CSMD2: variants seen among roughly 807,000 people sequenced by gnomAD.
CSMD2 encodes CUB and sushi domain-containing protein 2.
In CSMD2, 130 loss-of-function variants were observed where a neutral mutation model predicts 398.5. The observed-to-expected ratio is 0.33, with a 90% CI of 0.28 to 0.38. The LOEUF (loss-of-function observed/expected upper bound fraction) is 0.38, where lower values mean the gene tolerates loss of function less well. Among genes scored for constraint, CSMD2 ranks in the 10% least tolerant of loss-of-function variants. CSMD2 has a pLI of 1.00. For synonymous variants in CSMD2, 1,828 were observed against 1,908.5 expected (o/e 0.96, Z 1.10); for missense variants, 3,829 against 4,764.9 (o/e 0.80, Z 5.78).
chr1:33,928,836 T>C (rs956744278), intron 4 of CSMD2, among the ~76,000 whole-genome samples: 2 of 152,202 alleles, frequency 1.3e-5, no homozygotes, highest in African/African-American at 4.8e-5. Context: ...GCCTTCTCCA[T>C]GTTGTTAAAT....
chr1:33,595,113 T>C (rs555994956), intron 44 of CSMD2, among the ~76,000 whole-genome samples: 1 of 152,368 alleles, frequency 6.6e-6, no homozygotes, highest in South Asian at 2.1e-4. Flanking sequence ...GTTTTTCCGA[T>C]AAATTCCTTG....
intron 52 of CSMD2, among the ~76,000 whole-genome samples, chr1:33,568,992 G>A (rs5007952): frequency 0.21 from 32,433 of 152,130 alleles, 3,572 homozygotes; most frequent in South Asian, 0.26. Flanking sequence ...TATATGTTGT[G>A]TGTAAAATTT....
intron 5 of CSMD2, among the ~76,000 whole-genome samples, chr1:33,848,810 G>GT (rs35897729): frequency 0.75 from 107,650 of 142,646 alleles, 40,696 homozygotes; most frequent in African/African-American, 0.8. Flanking sequence ...CGTATTGTGG[G>GT]TTTTTTTTTT....
rs1641992508 is a variant in CSMD2 at position 33,624,709 on chromosome 1, C to T, written c.5501-66G>A. On this transcript the variant is annotated intron_variant, in intron 34 of 70. Coordinates refer to ENST00000373381, the MANE Select transcript of CSMD2 (RefSeq NM_001281956.2). This position sits in a 1 kb window ranked among gnomAD's most constrained non-coding sequence, Gnocchi z 4.7. ...CCGTGGGAGCCTTCCCAAGCTGACT[C>T]CTCCCTCATGGCCCCCAGCCTCTGT... 6.4e-7 allele frequency: 1 copy of T among 1,568,498 alleles called. No individual in the cohort carries two copies. The highest frequency in any genetic ancestry group is 8.7e-7 in the Non-Finnish European group (1 of 1,152,240).
intron 5 of CSMD2, among the ~76,000 whole-genome samples, chr1:33,897,644 C>T (rs1642477821): frequency 6.6e-6 from 1 of 152,300 alleles, no homozygotes; most frequent in East Asian, 1.9e-4. Context: ...GACAACAGAG[C>T]CAGGAGTCTC....
intron 5 of CSMD2, among the ~76,000 whole-genome samples, chr1:33,867,939 C>A (rs1433534519): frequency 6.6e-6 from 1 of 152,090 alleles, no homozygotes; most frequent in Non-Finnish European, 1.5e-5. Flanking sequence ...ATGTGGGTGG[C>A]CAAGTCAGAG....
Position 33,754,798 on chromosome 1 carries a change from GATC to G in CSMD2, c.1847-11195_1847-11193del, listed in dbSNP as rs570038919. 2.7e-3 allele frequency among the ~76,000 whole-genome samples: 413 copies of G among 152,244 alleles called. 1 individual carries two copies. Among genetic ancestry groups the G allele is most frequent in the South Asian group, 5.6e-3 (27 of 4,818 alleles). On this transcript the variant is annotated intron_variant, in intron 13 of 70. Transcript: ENST00000373381. ...TTGTTTTTTGATGGGAGAAAGGATT[GATC>G]ATCTCTTATAAAAGGTGGGAAGAAT...
At chr1:34,095,448 T>C (rs1376460500) in intron 1 of CSMD2, among the ~76,000 whole-genome samples, 2 of 150,322 alleles carry the variant, frequency 1.3e-5, no homozygotes, top group Non-Finnish European at 3.0e-5. Flanking sequence ...AAAAAACCCT[T>C]CAAAAAATTA....
intron 3 of CSMD2, among the ~76,000 whole-genome samples, chr1:33,942,683 G>C (rs1644714678): frequency 6.6e-6 from 1 of 152,218 alleles, no homozygotes; most frequent in Non-Finnish European, 1.5e-5. Flanking sequence ...CAGAGCCTCG[G>C]CTGCTCCAGG....
intron 3 of CSMD2, among the ~76,000 whole-genome samples, chr1:33,963,359 C>T (rs571454533): frequency 6.6e-6 from 1 of 152,372 alleles, no homozygotes; most frequent in South Asian, 2.1e-4. Context: ...TCAGCATGGG[C>T]TCTCTTACAG....
Position 33,518,158 on chromosome 1 carries a change from A to T in CSMD2, c.*53+1307T>A, listed in dbSNP as rs1488111806. ...TCTCCCCAGAGTCCTTCAGCACAGG[A>T]CCTGAGAGGGGGCACCTGCCTATCC... On this transcript the variant is annotated intron_variant, in intron 70 of 70. Transcript: ENST00000373381. This position sits in a 1 kb window ranked among gnomAD's most constrained non-coding sequence, Gnocchi z 4.3. Among the ~76,000 whole-genome samples the T allele has an allele frequency of 3.3e-5, 5 of 152,330 alleles. No homozygotes were observed. Among genetic ancestry groups the T allele is most frequent in the African/African-American group, 1.2e-4 (5 of 41,586 alleles).
intron 1 of CSMD2, among the ~76,000 whole-genome samples, chr1:34,111,363 C>T (rs1661061145): frequency 6.6e-6 from 1 of 152,184 alleles, no homozygotes. Flanking sequence ...GCCACTTGCC[C>T]ATGACTTCCA....
chr1:33,572,365 T>G, intron 50 of CSMD2, 141 bp downstream of exon 50: 1 of 797,884 alleles, frequency 1.3e-6, no homozygotes, highest in Non-Finnish European at 1.9e-6. Flanking sequence ...CCTCCTCTTC[T>G]GAAATCCTCC....
intron 1 of CSMD2, among the ~76,000 whole-genome samples, chr1:34,144,196 G>A (rs1639562177): frequency 6.6e-6 from 1 of 152,256 alleles, no homozygotes; most frequent in East Asian, 1.9e-4. Flanking sequence ...GGGTGGGACA[G>A]GTCCTGCCTG....
chr1:33,554,350 C>T (rs552616385), intron 55 of CSMD2, among the ~76,000 whole-genome samples: 5 of 152,106 alleles, frequency 3.3e-5, no homozygotes, highest in East Asian at 1.9e-4. Context: ...CACACCACCA[C>T]GCCTGGCTAA....
At chr1:33,725,851 A>C (rs1646512478) in intron 16 of CSMD2, among the ~76,000 whole-genome samples, 1 of 151,982 alleles carries the variant, frequency 6.6e-6, no homozygotes, top group South Asian at 2.1e-4. Flanking sequence ...GGGTCAGCAC[A>C]CTAAAGCCTC....
At chr1:33,870,843 T>A (rs953977158) in intron 5 of CSMD2, 1 of 152,164 alleles carries the variant, frequency 6.6e-6, no homozygotes, top group Non-Finnish European at 1.5e-5. Context: ...CTGTGACCGC[T>A]CTCTCTGCCT....
chr1:33,881,813 CTACA>C (rs1283656596), intron 5 of CSMD2, among the ~76,000 whole-genome samples: 2 of 152,044 alleles, frequency 1.3e-5, no homozygotes, highest in Non-Finnish European at 2.9e-5. Flanking sequence ...TGTATTTAAA[CTACA>C]TATTCAGTTT....
intron 1 of CSMD2, among the ~76,000 whole-genome samples, chr1:34,137,268 C>T (rs557844964): frequency 6.7e-6 from 1 of 149,902 alleles, no homozygotes; most frequent in Non-Finnish European, 1.5e-5. Context: ...AAAGAGACTG[C>T]GGCAAGCAAG....
Sources: gnomAD v4.1 joint callset for allele counts (sites outside exome capture counted in the v4.1 genomes callset) on GRCh38, gnomAD v4.1.1 for gene constraint, Gnocchi (gnomAD v3.1) non-coding constraint, MANE v1.5 for transcripts, NCBI Gene and HGNC (gene_info 2026-07-23, HGNC 2026-07-21) for gene names.